The following ZRANB3 variants were observed in gnomAD, a reference collection of about 807,000 sequenced individuals.
The protein encoded by ZRANB3 is DNA annealing helicase and endonuclease ZRANB3.
In ZRANB3, 125 loss-of-function variants were observed where a neutral mutation model predicts 133.8. The ratio of observed to expected loss-of-function variants is 0.93; its 90% CI spans 0.81 to 1.08. ZRANB3 has a LOEUF of 1.08. Among genes scored for constraint, ZRANB3 ranks in the 50% least tolerant of loss-of-function variants. ZRANB3 has a pLI of 0.00. For synonymous variants in ZRANB3, 387 were observed against 432.7 expected, an observed-to-expected ratio of 0.89 and a Z score of 1.31; for missense variants, 1,229 against 1,275.5, an observed-to-expected ratio of 0.96 and a Z score of 0.56.
intron 3 of ZRANB3, chr2:135,355,153 T>A (rs938594769): frequency 1.2e-6 from 1 of 838,760 alleles, no homozygotes; most frequent in Admixed American, 6.2e-5. Context: ...ATTTTGTTTA[T>A]GTATTTTTCT....
chr2:135,275,808 T>C (rs532354235), intron 8 of ZRANB3, 53 bp from the exon 9 acceptor site: 1 of 1,341,998 alleles, frequency 7.5e-7, no homozygotes, highest in Non-Finnish European at 9.8e-7. Context: ...TTATTTAAAA[T>C]TTATGTCACT....
At chr2:135,482,633 G>C (rs1440041559) in intron 2 of ZRANB3, among the ~76,000 whole-genome samples, 1 of 152,112 alleles carries the variant, frequency 6.6e-6, no homozygotes, top group Non-Finnish European at 1.5e-5. Flanking sequence ...CATTGCCCTG[G>C]CCAGAACTTC....
At chr2:135,497,824 G>A (rs540314754) in intron 2 of ZRANB3, among the ~76,000 whole-genome samples, 5 of 152,166 alleles carry the variant, frequency 3.3e-5, no homozygotes, top group East Asian at 3.9e-4. Context: ...AGGCCAAGGC[G>A]GACAGATCAA....
chr2:135,328,627 G>C (rs981421978), intron 6 of ZRANB3, among the ~76,000 whole-genome samples: 1 of 152,166 alleles, frequency 6.6e-6, no homozygotes, highest in African/African-American at 2.4e-5. Flanking sequence ...AGATCCTTGA[G>C]GAATCGCCAC....
chr2:135,456,419 G>A (rs999947707), intron 2 of ZRANB3, among the ~76,000 whole-genome samples: 4 of 152,200 alleles, frequency 2.6e-5, no homozygotes, highest in Non-Finnish European at 4.4e-5. Context: ...TACCTGTAAG[G>A]AAAGTAGGGA....
chr2:135,317,607 C>T (rs537290739), intron 6 of ZRANB3, among the ~76,000 whole-genome samples: 1 of 152,300 alleles, frequency 6.6e-6, no homozygotes, highest in South Asian at 2.1e-4. Flanking sequence ...CTGCAGAGTA[C>T]CAACAGTTGT....
At chr2:135,437,509 A>G (rs1228559825) in intron 2 of ZRANB3, among the ~76,000 whole-genome samples, 2 of 152,148 alleles carry the variant, frequency 1.3e-5, no homozygotes, top group African/African-American at 4.8e-5. Context: ...TGGGCAATAC[A>G]TATTTCCAGT....
At chr2:135,444,671 T>G (rs758257709) in intron 2 of ZRANB3, among the ~76,000 whole-genome samples, 6 of 152,168 alleles carry the variant, frequency 3.9e-5, no homozygotes, top group Non-Finnish European at 7.3e-5. Flanking sequence ...GGACAAGGAT[T>G]GACTGAGTAC....
chr2:135,430,601 C>G (rs1369911730), intron 2 of ZRANB3, among the ~76,000 whole-genome samples: 1 of 152,112 alleles, frequency 6.6e-6, no homozygotes, highest in Non-Finnish European at 1.5e-5. Context: ...GTAGAATTTA[C>G]AGATAGAAAT....
intron 12 of ZRANB3, among the ~76,000 whole-genome samples, chr2:135,247,357 G>A (rs982959006): frequency 2.6e-5 from 4 of 151,942 alleles, no homozygotes; most frequent in Admixed American, 6.6e-5. Flanking sequence ...AGAAATGACT[G>A]GTTTTTTTTT....
chr2:135,511,132 G>A, intron 1 of ZRANB3: 2 of 771,086 alleles, frequency 2.6e-6, no homozygotes, highest in South Asian at 1.4e-5. Context: ...ACATAAGGAG[G>A]TATCCCAGTA....
At position 135,199,105 on chromosome 2, in the gene ZRANB3, C is replaced by T. The variant is rs1693514416; in HGVS notation, c.*1237G>A. On this transcript the variant is annotated 3_prime_UTR_variant, in exon 21 of 21. Coordinates refer to ENST00000264159, the MANE Select transcript of ZRANB3 (RefSeq NM_032143.4). ...CGTCACTCTTATTTTATGTCAATTA[C>T]ATTTTAATGTTATTATTGTATATTT... 1 of 152,164 alleles carries T rather than the reference C, an allele frequency of 6.6e-6. No homozygotes were observed. Among genetic ancestry groups the T allele is most frequent in the South Asian group, 2.1e-4 (1 of 4,830 alleles). The allele number at this position is 152,164 out of a possible 1,614,324, so 9.4% of individuals were successfully genotyped here.
At chr2:135,348,087 C>T (rs1298137624) in intron 5 of ZRANB3, among the ~76,000 whole-genome samples, 6 of 151,750 alleles carry the variant, frequency 4.0e-5, no homozygotes, top group Non-Finnish European at 7.4e-5. Flanking sequence ...GGTAAAATCC[C>T]GTCTCTACTC....
At chr2:135,290,117 T>C (rs1259715458) in intron 8 of ZRANB3, among the ~76,000 whole-genome samples, 1 of 152,224 alleles carries the variant, frequency 6.6e-6, no homozygotes, top group Non-Finnish European at 1.5e-5. Flanking sequence ...TGTCCATTTA[T>C]TCTAGGGTAT....
At chr2:135,344,221 T>C (rs1280635667) in intron 6 of ZRANB3, among the ~76,000 whole-genome samples, 1 of 152,166 alleles carries the variant, frequency 6.6e-6, no homozygotes, top group Non-Finnish European at 1.5e-5. Context: ...GGAGATAAAG[T>C]TACTTTTCTA....
chr2:135,421,286 T>A (rs1264365142), intron 2 of ZRANB3, among the ~76,000 whole-genome samples: 1 of 152,188 alleles, frequency 6.6e-6, no homozygotes, highest in African/African-American at 2.4e-5. Flanking sequence ...ATACAATGGA[T>A]TGTCTTTAAT....
At chr2:135,236,226 TAGAA>T (rs1479171181) in intron 12 of ZRANB3, among the ~76,000 whole-genome samples, 3 of 152,016 alleles carry the variant, frequency 2.0e-5, no homozygotes, top group African/African-American at 7.3e-5. Context: ...GAATCCAACT[TAGAA>T]AGGAAGTGAA....
rs76757575 is a variant in ZRANB3 at position 135,227,811 on chromosome 2, C to A, written c.2158+1G>T. The stretch of plus-strand genomic sequence containing the variant: ...ATGCTAGAAATGGAAACAAGACTTA[C>A]CATTACCTGGCTGGGATGTAAGTCC... On this transcript the variant is annotated splice_donor_variant, in intron 14 of 20. Coordinates refer to ENST00000264159, the MANE Select transcript of ZRANB3 (RefSeq NM_032143.4). LOFTEE classifies it high-confidence loss of function. 86 of 1,567,538 alleles carry A rather than the reference C, an allele frequency of 5.5e-5. No individual in the cohort carries two copies. The East Asian group carries it at 1.9e-3, about 34-fold the overall frequency.
chr2:135,431,273 T>C (rs1254234193), intron 2 of ZRANB3, among the ~76,000 whole-genome samples: 3 of 151,514 alleles, frequency 2.0e-5, no homozygotes, highest in Non-Finnish European at 4.4e-5. Context: ...GACTGAATGA[T>C]ACAGTGAAAC....
Sources: gnomAD v4.1 joint callset for allele counts (sites outside exome capture counted in the v4.1 genomes callset) on GRCh38, gnomAD v4.1.1 for gene constraint, MANE v1.5 for transcripts, NCBI Gene and HGNC (gene_info 2026-07-23, HGNC 2026-07-21) for gene names.